CCDC102B: variants seen among roughly 807,000 people sequenced by gnomAD.
The protein encoded by CCDC102B is coiled-coil domain-containing protein 102B.
Under a neutral mutation model 57.4 loss-of-function variants are expected in CCDC102B, and 75 were observed. The observed-to-expected ratio is 1.31, with a 90% CI of 1.08 to 1.58. The LOEUF (loss-of-function observed/expected upper bound fraction) is 1.58, where lower values mean the gene tolerates loss of function less well. Among genes scored for constraint, CCDC102B ranks in the 40% most tolerant of loss-of-function variants. CCDC102B has a pLI of 0.00. For synonymous variants in CCDC102B, 206 were observed against 201.9 expected (o/e 1.02, Z -0.17); for missense variants, 636 against 582.6 (o/e 1.09, Z -0.94).
chr18:69,011,213 T>G (rs757232444), intron 7 of CCDC102B, 109 bp downstream of exon 7: 2 of 964,328 alleles, frequency 2.1e-6, no homozygotes, highest in African/African-American at 1.7e-5. Flanking sequence ...GATATAAATA[T>G]TCATATCTTA....
intron 2 of CCDC102B, among the ~76,000 whole-genome samples, chr18:68,790,985 C>A (rs2035438843): frequency 6.6e-6 from 1 of 152,046 alleles, no homozygotes; most frequent in Admixed American, 6.5e-5. Flanking sequence ...TGTCAGAAAT[C>A]AAAAGGAGAG....
At chr18:68,997,386 C>A (rs981390391) in intron 6 of CCDC102B, among the ~76,000 whole-genome samples, 1 of 152,122 alleles carries the variant, frequency 6.6e-6, no homozygotes, top group African/African-American at 2.4e-5. Flanking sequence ...GATGAGTCTA[C>A]ATAGGTAAAG....
At chr18:69,023,336 A>C (rs1275461142) in intron 7 of CCDC102B, among the ~76,000 whole-genome samples, 1 of 152,188 alleles carries the variant, frequency 6.6e-6, no homozygotes, top group Non-Finnish European at 1.5e-5. Flanking sequence ...TGTAAGTAAA[A>C]AAACAGTATC....
chr18:68,761,340 A>G (rs532771716), intron 2 of CCDC102B, among the ~76,000 whole-genome samples: 6 of 152,110 alleles, frequency 3.9e-5, no homozygotes, highest in South Asian at 2.1e-4. Context: ...AAGTTTTTCA[A>G]TTTTTATAAA....
At chr18:68,792,506 A>C (rs540721131) in intron 2 of CCDC102B, among the ~76,000 whole-genome samples, 5 of 152,354 alleles carry the variant, frequency 3.3e-5, no homozygotes, top group African/African-American at 1.2e-4. Context: ...TAGATGTTGC[A>C]GTTAGGTCAA....
At chr18:68,975,837 T>A (rs2050420873) in intron 6 of CCDC102B, among the ~76,000 whole-genome samples, 1 of 150,718 alleles carries the variant, frequency 6.6e-6, no homozygotes, top group African/African-American at 2.4e-5. Context: ...ACCCCAGTAG[T>A]GCCACTTTCA....
At chr18:68,746,642 C>T (rs1568229482) in intron 2 of CCDC102B, among the ~76,000 whole-genome samples, 1 of 151,964 alleles carries the variant, frequency 6.6e-6, no homozygotes, top group Admixed American at 6.6e-5. Flanking sequence ...TCTTTTGAGT[C>T]TTATACCTTA....
At chr18:68,843,603 C>CT (rs1212259653) in intron 3 of CCDC102B, among the ~76,000 whole-genome samples, 1 of 151,940 alleles carries the variant, frequency 6.6e-6, no homozygotes, top group African/African-American at 2.4e-5. Flanking sequence ...ATTTTATATA[C>CT]TTTAGCAATA....
At chr18:68,898,893 T>C (rs1195054289) in intron 6 of CCDC102B, among the ~76,000 whole-genome samples, 1 of 152,130 alleles carries the variant, frequency 6.6e-6, no homozygotes, top group African/African-American at 2.4e-5. Context: ...ATATAAAGTA[T>C]ATCTTTCGGG....
chr18:68,827,901 G>A (rs1454403618), intron 1 of CCDC102B, among the ~76,000 whole-genome samples: 1 of 151,810 alleles, frequency 6.6e-6, no homozygotes, highest in Non-Finnish European at 1.5e-5. Context: ...ATACCTAAGA[G>A]TAGCTATGTT....
At chr18:69,002,688 GTT>G (rs2051236452) in intron 6 of CCDC102B, among the ~76,000 whole-genome samples, 1 of 151,958 alleles carries the variant, frequency 6.6e-6, no homozygotes, top group Non-Finnish European at 1.5e-5. Flanking sequence ...CCCTTAACTA[GTT>G]CTCTATTAAG....
chr18:69,032,397 T>A (rs2052171146), intron 7 of CCDC102B, among the ~76,000 whole-genome samples: 1 of 152,182 alleles, frequency 6.6e-6, no homozygotes, highest in Non-Finnish European at 1.5e-5. Flanking sequence ...TATCTGACAA[T>A]ATTTTGTCTT....
intron 2 of CCDC102B, among the ~76,000 whole-genome samples, chr18:68,771,371 G>C (rs1165713302): frequency 2.0e-5 from 3 of 152,204 alleles, no homozygotes; most frequent in Admixed American, 6.6e-5. Flanking sequence ...GGTGATACCT[G>C]TGGCATGTAT....
intron 5 of CCDC102B, among the ~76,000 whole-genome samples, chr18:68,878,119 T>C (rs1233312111): frequency 2.0e-5 from 3 of 152,164 alleles, no homozygotes; most frequent in Non-Finnish European, 4.4e-5. Context: ...TGTTTGGAGA[T>C]AGGGTCTCAC....
chr18:68,936,849 TATATACAC>T (rs2049255694), intron 6 of CCDC102B, among the ~76,000 whole-genome samples: 1 of 150,434 alleles, frequency 6.6e-6, no homozygotes, highest in African/African-American at 2.5e-5. Context: ...ATATATAATA[TATATACAC>T]ATATACACAC....
intron 6 of CCDC102B, among the ~76,000 whole-genome samples, chr18:68,998,636 AG>A (rs2051102971): frequency 6.7e-6 from 1 of 148,152 alleles, no homozygotes; most frequent in Admixed American, 6.8e-5. Flanking sequence ...CTGTGGCCAA[AG>A]GGCCCTAGAG....
At chr18:68,948,406 A>G (rs9954248) in intron 6 of CCDC102B, among the ~76,000 whole-genome samples, 6,349 of 152,190 alleles carry the variant, frequency 0.042, 281 homozygotes, top group African/African-American at 0.11. Context: ...TTAATCTGCA[A>G]TCTAACACAT....
chr18:68,971,572 T>G (rs533257255), intron 6 of CCDC102B, among the ~76,000 whole-genome samples: 3 of 152,258 alleles, frequency 2.0e-5, no homozygotes, highest in Non-Finnish European at 4.4e-5. Flanking sequence ...AATCTGCCCC[T>G]TTAGGTAAGG....
intron 2 of CCDC102B, among the ~76,000 whole-genome samples, chr18:68,779,224 G>A (rs988521967): frequency 6.6e-6 from 1 of 152,134 alleles, no homozygotes; most frequent in African/African-American, 2.4e-5. Context: ...TTATAGGTGT[G>A]TGAGCTGACA....
Sources: allele counts gnomAD v4.1 joint callset (sites outside exome capture counted in the v4.1 genomes callset), GRCh38; gene constraint gnomAD v4.1.1; transcripts MANE v1.5; gene names NCBI Gene and HGNC (gene_info 2026-07-23, HGNC 2026-07-21).